The following WNK1 variants were observed in gnomAD, a reference collection of about 807,000 sequenced individuals.
WNK1 encodes the protein WNK lysine deficient protein kinase 1, also known as serine/threonine-protein kinase WNK1.
Under a neutral mutation model 222.8 loss-of-function variants are expected in WNK1, and 38 were observed. That is an observed-to-expected ratio of 0.17 (90% CI 0.13 to 0.22). The LOEUF is 0.22. Among genes scored for constraint, WNK1 ranks in the 10% least tolerant of loss-of-function variants. The pLI is 1.00. For synonymous variants in WNK1, 1,090 were observed against 1,092.9 expected (o/e 1.00, Z 0.05); for missense variants, 2,348 against 2,918.4 (o/e 0.80, Z 4.50).
chr12:782,496 A>G (rs12823710), intron 1 of WNK1, among the ~76,000 whole-genome samples: 19,964 of 152,158 alleles, frequency 0.13, 1,674 homozygotes, highest in Middle Eastern at 0.21. Flanking sequence ...TCCTAAGTCT[A>G]TGAATTAATG....
chr12:896,684 A>G lies in WNK1; in HGVS notation c.6197A>G (p.Asp2066Gly). The change falls in exon 24 of 28, where the codon GAT becomes GGT. Residue 2066 changes from aspartate (D) to glycine (G), a missense_variant. Around this residue, in one of 13 missense-constraint regions of WNK1, gnomAD observed 1,144 missense variants for 1,273.6 expected, o/e 0.90. Transcript: ENST00000315939. ...TACATGAGTAGCGACAATGAGTCAG[A>G]TATCGAAGATGAAGACTTAAAGTTA... ...SSYMSSDNES[D>G]IEDEDLKLEL... The G allele has an allele frequency of 6.2e-7, 1 of 1,610,518 alleles. No individual in the cohort carries two copies. The highest frequency in any genetic ancestry group is 8.5e-7 in the Non-Finnish European group (1 of 1,179,400).
At chr12:788,979 G>A (rs756675875) in intron 1 of WNK1, among the ~76,000 whole-genome samples, 5 of 152,162 alleles carry the variant, frequency 3.3e-5, no homozygotes, top group Non-Finnish European at 5.9e-5. Context: ...AACAGTTTTT[G>A]TGGGAAGGTT....
chr12:883,260 TAAAA>T (rs1355336713), intron 15 of WNK1, 131 bp from the exon 16 acceptor site: 1 of 1,151,374 alleles, frequency 8.7e-7, no homozygotes, highest in African/African-American at 1.6e-5. Context: ...TTGAAGTTCT[TAAAA>T]AGAGAAGAGC....
At chr12:786,822 G>A (rs180735720) in intron 1 of WNK1, among the ~76,000 whole-genome samples, 2 of 152,206 alleles carry the variant, frequency 1.3e-5, no homozygotes, top group African/African-American at 4.8e-5. Context: ...TAAATAAACA[G>A]TGTTTAGACT....
At chr12:878,672 T>TG (rs1443418568) in intron 10 of WNK1, among the ~76,000 whole-genome samples, 1 of 152,090 alleles carries the variant, frequency 6.6e-6, no homozygotes, top group Non-Finnish European at 1.5e-5. Context: ...AAAGGTGCTC[T>TG]GGTAACTGAA....
chr12:884,825 A>G lies in WNK1; in HGVS notation c.4021A>G (p.Ser1341Gly), dbSNP rs1252163293. The G allele has an allele frequency of 6.2e-7, 1 of 1,614,068 alleles. No individual in the cohort carries two copies. Among genetic ancestry groups the G allele is most frequent in the Non-Finnish European group, 8.5e-7 (1 of 1,180,036 alleles). ...PTFPVVPPFL[S>G]SIAGVPTTAA... ...ATTTCCAGTAGTACCTCCTTTCTTAAGTAGCATTGCTGGAGTCCCAACCAC... is the reference window on the plus strand; with the variant it reads ...ATTTCCAGTAGTACCTCCTTTCTTAGGTAGCATTGCTGGAGTCCCAACCAC... Residue 1341 changes from serine to glycine, a missense_variant, in exon 19 of 28, where the codon AGT becomes GGT. Coordinates refer to ENST00000315939, the MANE Select transcript of WNK1 (RefSeq NM_018979.4). The surrounding 1 kb of genome is among the most constrained non-coding windows in gnomAD (Gnocchi z 5.6).
intron 1 of WNK1, among the ~76,000 whole-genome samples, chr12:757,963 AG>A (rs1332496818): frequency 4.2e-5 from 6 of 142,704 alleles, no homozygotes; most frequent in Non-Finnish European, 9.3e-5. Context: ...TGAACCCGGG[AG>A]GCAGAGGTTG....
chr12:900,841 G>C lies in WNK1; in HGVS notation c.6643+171G>C, dbSNP rs547263853. ...AAGTGGAGTGATAATGAGAATCGGT[G>C]GGCTCACTGCTCCCATTAGGTGAAA... is the stretch of plus-strand genomic sequence containing the variant. On this transcript the variant is annotated intron_variant, in intron 26 of 27. Transcript: ENST00000315939. 8.9e-5 allele frequency: 73 copies of C among 822,570 alleles called. 1 individual carries two copies. In the African/African-American group the frequency reaches 1.1e-3, roughly 13 times the overall value. 51.0% of individuals were successfully genotyped at this position (822,570 alleles called of 1,614,324 possible).
At chr12:836,110 T>C (rs904567864) in intron 4 of WNK1, among the ~76,000 whole-genome samples, 6 of 152,174 alleles carry the variant, frequency 3.9e-5, no homozygotes, top group Admixed American at 3.9e-4. Context: ...ACTAATACAA[T>C]CTGACTTTTT....
chr12:862,930 A>G (rs746961977), intron 8 of WNK1, among the ~76,000 whole-genome samples: 1 of 152,214 alleles, frequency 6.6e-6, no homozygotes, highest in Non-Finnish European at 1.5e-5. Context: ...GAAACATTTT[A>G]TGCTTGTATA....
chr12:894,142 C>T (rs1353183311), intron 22 of WNK1, among the ~76,000 whole-genome samples: 2 of 151,990 alleles, frequency 1.3e-5, no homozygotes, highest in African/African-American at 4.8e-5. Flanking sequence ...CACCTGAACC[C>T]AGTAGGTGGA....
chr12:831,214 A>G (rs1320385911), intron 4 of WNK1, among the ~76,000 whole-genome samples: 1 of 152,170 alleles, frequency 6.6e-6, no homozygotes, highest in Admixed American at 6.5e-5. Context: ...ATGATATTGC[A>G]GCAGAGTACA....
intron 8 of WNK1, chr12:869,273 A>C (rs1951941396): frequency 7.7e-6 from 7 of 904,694 alleles, no homozygotes; most frequent in Non-Finnish European, 1.2e-5. Context: ...ATATGCATTT[A>C]AAAACAAAAT....
chr12:767,420 T>C (rs542843240), intron 1 of WNK1, among the ~76,000 whole-genome samples: 2 of 151,660 alleles, frequency 1.3e-5, no homozygotes, highest in East Asian at 3.9e-4. Context: ...GCCTGGCTAA[T>C]TTTTGTATTT....
Position 754,278 on chromosome 12 carries a change from G to C in WNK1, c.713G>C (p.Gly238Ala). The change falls in exon 1 of 28, where the codon GGT becomes GCT. Residue 238 changes from glycine (G) to alanine (A), a missense_variant. By Grantham distance (60) the Gly-to-Ala change is moderately conservative (BLOSUM62 0). Coordinates refer to ENST00000315939, the MANE Select transcript of WNK1 (RefSeq NM_018979.4). ...GGCTCCTTTAAGACGGTCTACAAAGGTCTGGACACTGAAACCACCGTGGAA... is the reference window on the plus strand; with the variant it reads ...GGCTCCTTTAAGACGGTCTACAAAGCTCTGGACACTGAAACCACCGTGGAA... The part of the protein sequence containing the change: ...GRGSFKTVYK[G>A]LDTETTVEVA... 2 of 1,613,578 alleles carry C rather than the reference G, an allele frequency of 1.2e-6. No homozygotes were observed. The highest frequency in any genetic ancestry group is 1.7e-6 in the Non-Finnish European group (2 of 1,180,028).
At chr12:864,254 C>T (rs1280548684) in intron 8 of WNK1, among the ~76,000 whole-genome samples, 1 of 151,812 alleles carries the variant, frequency 6.6e-6, no homozygotes, top group Non-Finnish European at 1.5e-5. Flanking sequence ...ATTACAGGCA[C>T]CCATCACCAC....
intron 1 of WNK1, among the ~76,000 whole-genome samples, chr12:788,055 T>C (rs1032546866): frequency 5.3e-5 from 8 of 152,136 alleles, no homozygotes; most frequent in African/African-American, 1.9e-4. Flanking sequence ...TGCTGCACCT[T>C]TAGCCAGGAT....
At chr12:821,278 A>G (rs77032447) in intron 2 of WNK1, among the ~76,000 whole-genome samples, 2 of 152,092 alleles carry the variant, frequency 1.3e-5, no homozygotes, top group African/African-American at 4.8e-5. Flanking sequence ...ATCTACATTA[A>G]TAACGGTGTT....
rs756692331 is a variant in WNK1 at position 862,092 on chromosome 12, C to T, written c.1961C>T (p.Thr654Met). 9.9e-6 allele frequency: 16 copies of T among 1,613,774 alleles called. No individual in the cohort carries two copies. Among genetic ancestry groups the T allele is most frequent in the African/African-American group, 2.7e-5 (2 of 74,872 alleles). The change falls in exon 8 of 28, where the codon ACG (threonine) becomes ATG (methionine). Residue 654 changes from threonine (T) to methionine (M), a missense_variant. By Grantham distance (81) the Thr-to-Met change is moderately conservative. Transcript: ENST00000315939. The stretch of plus-strand genomic sequence containing the variant: ...TTCATTTTTCCTTCAGCTGATGGGA[C>T]GGTTGACAGTGGTCAGGGATCCTCT... ...QPSISVLSDG[T>M]VDSGQGSSVF...
Sources: allele counts gnomAD v4.1 joint callset (sites outside exome capture counted in the v4.1 genomes callset), GRCh38; gene constraint gnomAD v4.1.1; regional missense constraint gnomAD v4.1.1; non-coding constraint Gnocchi (gnomAD v3.1); transcripts MANE v1.5; gene names NCBI Gene and HGNC (gene_info 2026-07-23, HGNC 2026-07-21).